The following CAMSAP1 variants were observed in gnomAD, a reference collection of about 807,000 sequenced individuals.
CAMSAP1 encodes calmodulin-regulated spectrin-associated protein 1.
In CAMSAP1, 58 loss-of-function variants were observed where a neutral mutation model predicts 143.5. The ratio of observed to expected loss-of-function variants is 0.40; its 90% CI spans 0.33 to 0.50. The LOEUF is 0.50. Among genes scored for constraint, CAMSAP1 ranks in the 20% least tolerant of loss-of-function variants. The pLI, the probability that CAMSAP1 is intolerant of heterozygous loss-of-function variation, is 0.45. For synonymous variants in CAMSAP1, 945 were observed against 859.3 expected (o/e 1.10, Z -1.74); for missense variants, 1,969 against 2,115.7 (o/e 0.93, Z 1.36).
intron 14 of CAMSAP1, among the ~76,000 whole-genome samples, chr9:135,817,472 G>A (rs926942892): frequency 6.6e-6 from 1 of 151,878 alleles, no homozygotes; most frequent in African/African-American, 2.4e-5. Context: ...GCTCACTGCA[G>A]CCTCAACTTC....
intron 5 of CAMSAP1, among the ~76,000 whole-genome samples, chr9:135,852,372 T>C (rs1836814001): frequency 6.6e-6 from 1 of 152,242 alleles, no homozygotes; most frequent in African/African-American, 2.4e-5. Flanking sequence ...AACAATCTTT[T>C]CTATTTGTGC....
At chr9:135,857,838 C>T (rs1031613672) in intron 5 of CAMSAP1, among the ~76,000 whole-genome samples, 6 of 152,172 alleles carry the variant, frequency 3.9e-5, no homozygotes, top group Non-Finnish European at 7.3e-5. Context: ...GTCTCACCTT[C>T]GGGTATGAAG....
chr9:135,840,693 A>G (rs189790896), intron 7 of CAMSAP1, among the ~76,000 whole-genome samples: 17 of 152,342 alleles, frequency 1.1e-4, no homozygotes, highest in Admixed American at 8.5e-4. Flanking sequence ...GGGGCTGATT[A>G]GACAGTGGGT....
chr9:135,817,418 G>A lies in CAMSAP1; in HGVS notation c.4271+559C>T, dbSNP rs148067536. On this transcript the variant is annotated intron_variant, in intron 14 of 16. Transcript: ENST00000389532. ...TTGCTTTTGGGGGTTTTCTGGCAGC[G>A]TCTCACTCTGTTGCCCAGGCTGGAG... Among the ~76,000 whole-genome samples the A allele has an allele frequency of 1.7e-3, 254 of 152,288 alleles. 2 individuals are homozygous for A. Among genetic ancestry groups the A allele is most frequent in the Middle Eastern group, 0.01 (3 of 294 alleles).
chr9:135,855,351 T>C (rs1299651995), intron 5 of CAMSAP1, among the ~76,000 whole-genome samples: 1 of 152,162 alleles, frequency 6.6e-6, no homozygotes, highest in Non-Finnish European at 1.5e-5. Context: ...CTCTGTTAGT[T>C]TGCTAAGGAT....
chr9:135,823,935 G>A lies in CAMSAP1; in HGVS notation c.1400+15C>T. The A allele has an allele frequency of 6.4e-7, 1 of 1,562,468 alleles. No homozygotes were observed. The highest frequency in any genetic ancestry group is 1.2e-5 in the South Asian group (1 of 84,672). On this transcript the variant is annotated intron_variant, in intron 10 of 16. Coordinates refer to ENST00000389532, the MANE Select transcript of CAMSAP1 (RefSeq NM_015447.4). ...AAACATTCCAAACAGAAACACTGCT[G>A]AAACACAGACTCACCTGGTTTTTTT...
chr9:135,865,448 C>T, intron 4 of CAMSAP1: 1 of 1,385,052 alleles, frequency 7.2e-7, no homozygotes, highest in Non-Finnish European at 1.0e-6. Context: ...ACACACTTCC[C>T]CACGGCGTTT....
At chr9:135,901,856 A>C (rs1295019670) in intron 1 of CAMSAP1, among the ~76,000 whole-genome samples, 1 of 152,122 alleles carries the variant, frequency 6.6e-6, no homozygotes, top group African/African-American at 2.4e-5. Flanking sequence ...TTTCCAAACT[A>C]ATCACTTACT....
intron 4 of CAMSAP1, among the ~76,000 whole-genome samples, chr9:135,864,352 TTAATA>T (rs1837301615): frequency 6.6e-6 from 1 of 152,236 alleles, no homozygotes; most frequent in Admixed American, 6.5e-5. Flanking sequence ...TTTCTTCTTA[TTAATA>T]TATTTCAAGA....
Position 135,815,948 on chromosome 9 carries a change from G to A in CAMSAP1, c.4329C>T (p.Asp1443=). ...CCGCCGACGCGGTCTCCCAGTCTCG[G>A]TCTGTGCTCCTGCTTGGGTTACGGC... is the stretch of plus-strand genomic sequence containing the variant. ...ILSRNPSRST[D]RDWETASAAS... Residue 1443 remains aspartate, a synonymous_variant, in exon 15 of 17, where the codon GAC becomes GAT. Transcript: ENST00000389532. The A allele has an allele frequency of 1.9e-6, 3 of 1,613,880 alleles. No homozygotes were observed. Among genetic ancestry groups the A allele is most frequent in the Non-Finnish European group, 2.5e-6 (3 of 1,179,910 alleles).
intron 8 of CAMSAP1, among the ~76,000 whole-genome samples, chr9:135,825,671 A>G (rs1230286221): frequency 6.6e-6 from 1 of 152,180 alleles, no homozygotes; most frequent in East Asian, 1.9e-4. Flanking sequence ...CCCGAGAAAC[A>G]AGCGCGCTCA....
At chr9:135,893,185 GAA>G (rs542065820) in intron 1 of CAMSAP1, among the ~76,000 whole-genome samples, 5 of 150,578 alleles carry the variant, frequency 3.3e-5, no homozygotes, top group Non-Finnish European at 7.4e-5. Context: ...GAAAAGAAGA[GAA>G]GAGAGAAGAG....
chr9:135,907,219 C>T lies in CAMSAP1; in HGVS notation c.-60G>A. The T allele has an allele frequency of 6.0e-6, 6 of 1,007,470 alleles. No individual in the cohort carries two copies. The highest frequency in any genetic ancestry group is 7.1e-6 in the Non-Finnish European group (6 of 839,226). The allele number at this position is 1,007,470 out of a possible 1,614,324, so 62.4% of individuals were successfully genotyped here. A position where few individuals can be genotyped will look rare whatever the true frequency, so the allele number is the denominator to read the frequency against. On this transcript the variant is annotated 5_prime_UTR_variant, in exon 1 of 17. Coordinates refer to ENST00000389532, the MANE Select transcript of CAMSAP1 (RefSeq NM_015447.4). ...CAACAAAGGCGCCGCCGCCCCTCGC[C>T]GCGCCGGGCCCGGTGCGCCCCGAGC...
rs576254350 is a variant in CAMSAP1, at chr9:135,861,842, C to T, written c.808+625G>A. Among the ~76,000 whole-genome samples the T allele has an allele frequency of 8.5e-5, 13 of 152,316 alleles. No homozygotes were observed. In the South Asian group the frequency reaches 2.5e-3, roughly 29 times the overall value. On this transcript the variant is annotated intron_variant, in intron 5 of 16. Transcript: ENST00000389532. ...ATCAGAATTCATGCTCCCCCAGCCC[C>T]TGTCCAGACACCCACTGTCGTGCTG...
intron 7 of CAMSAP1, among the ~76,000 whole-genome samples, chr9:135,834,154 G>A (rs1163982759): frequency 2.0e-5 from 3 of 152,178 alleles, no homozygotes; most frequent in African/African-American, 7.2e-5. Flanking sequence ...GACAAGAGAT[G>A]AGTATTGAGG....
chr9:135,879,887 T>C (rs1417955102), intron 3 of CAMSAP1, among the ~76,000 whole-genome samples: 1 of 151,648 alleles, frequency 6.6e-6, no homozygotes, highest in Non-Finnish European at 1.5e-5. Flanking sequence ...AGAAACTCAC[T>C]GCACAGTACC....
chr9:135,892,867 A>AAAAAAAAAAAAAAAAAAAAG (rs1554800261), intron 1 of CAMSAP1, among the ~76,000 whole-genome samples: 2 of 147,748 alleles, frequency 1.4e-5, no homozygotes, highest in African/African-American at 5.1e-5. Flanking sequence ...AAAAAAAAAA[A>AAAAAAAAAAAAAAAAAAAAG]GAACTAATCA....
intron 5 of CAMSAP1, among the ~76,000 whole-genome samples, chr9:135,860,505 G>T (rs1332957550): frequency 6.6e-6 from 1 of 151,194 alleles, no homozygotes; most frequent in Non-Finnish European, 1.5e-5. Flanking sequence ...GGCTGAGGTG[G>T]GAGAATCGCT....
intron 4 of CAMSAP1, among the ~76,000 whole-genome samples, chr9:135,865,522 T>C (rs1837344059): frequency 6.6e-6 from 1 of 152,154 alleles, no homozygotes; most frequent in South Asian, 2.1e-4. Context: ...GCCATAGTCA[T>C]GTTGTATTAG....
Sources: allele counts gnomAD v4.1 joint callset (sites outside exome capture counted in the v4.1 genomes callset), GRCh38; gene constraint gnomAD v4.1.1; transcripts MANE v1.5; gene names NCBI Gene and HGNC (gene_info 2026-07-23, HGNC 2026-07-21).